Variants in CNOT9 observed in about 807,000 individuals in gnomAD.
The protein encoded by CNOT9 is RCD1 required for cell differentiation1 homolog.
Under a neutral mutation model 37.4 loss-of-function variants are expected in CNOT9, and 8 were observed. The ratio of observed to expected loss-of-function variants is 0.21; its 90% CI spans 0.13 to 0.39. The LOEUF is 0.39. CNOT9 is among the 10% of genes least tolerant of loss of function. CNOT9 has a pLI of 1.00. For missense variants in CNOT9, 154 were observed against 365.3 expected (o/e 0.42, Z 4.71); for synonymous variants, 120 against 137.6 (o/e 0.87, Z 0.90).
intron 1 of CNOT9, chr2:218,574,148 T>C (rs2106079605): frequency 3.2e-6 from 1 of 307,716 alleles, no homozygotes; most frequent in East Asian, 1.1e-4. Context: ...TTTTGTATTT[T>C]TAGTAGGGGC....
chr2:218,577,899 G>A (rs1694227329), intron 1 of CNOT9, among the ~76,000 whole-genome samples: 1 of 152,160 alleles, frequency 6.6e-6, no homozygotes, highest in Admixed American at 6.6e-5. Context: ...TGGATTGTGG[G>A]GTCATCCAAG....
intron 2 of CNOT9, among the ~76,000 whole-genome samples, chr2:218,581,887 A>C (rs1035288009): frequency 1.3e-5 from 2 of 151,798 alleles, no homozygotes; most frequent in Non-Finnish European, 2.9e-5. Flanking sequence ...TTTGAGACCA[A>C]CCTGGGCAAC....
intron 1 of CNOT9, among the ~76,000 whole-genome samples, chr2:218,576,070 TA>T (rs1208615110): frequency 5.3e-5 from 8 of 152,228 alleles, no homozygotes; most frequent in East Asian, 1.9e-4. Context: ...ACCATGTTTT[TA>T]AAAAAAGGTG....
At chr2:218,583,334 A>G (rs1694481430) in intron 3 of CNOT9, among the ~76,000 whole-genome samples, 1 of 151,384 alleles carries the variant, frequency 6.6e-6, no homozygotes, top group African/African-American at 2.4e-5. Context: ...AACTTTAAAG[A>G]AACAGTGTTC....
rs1435827347 is a variant in CNOT9 at position 218,594,300 on chromosome 2, C to T, written c.*24C>T. 6.3e-7 allele frequency: 1 copy of T among 1,585,562 alleles called. No individual in the cohort carries two copies. The highest frequency in any genetic ancestry group is 8.6e-7 in the Non-Finnish European group (1 of 1,164,822). ...GATCCTTCCCTGTTCCCTCCCACTACTCCCCCAAGTTGGGGAAAGGAGGGG... is the reference window on the plus strand; with the variant it reads ...GATCCTTCCCTGTTCCCTCCCACTATTCCCCCAAGTTGGGGAAAGGAGGGG... On this transcript the variant is annotated 3_prime_UTR_variant, in exon 8 of 8. Coordinates refer to ENST00000273064, the MANE Select transcript of CNOT9 (RefSeq NM_005444.3).
rs745783432 is a variant in CNOT9 at position 218,596,599 on chromosome 2, A to G, written c.*2323A>G. The G allele has an allele frequency of 6.6e-6, 1 of 152,096 alleles. No individual in the cohort carries two copies. Among genetic ancestry groups the G allele is most frequent in the Non-Finnish European group, 1.5e-5 (1 of 68,074 alleles). The allele number at this position is 152,096 out of a possible 1,614,324, so 9.4% of individuals were successfully genotyped here. A position where few individuals can be genotyped will look rare whatever the true frequency, so the allele number is the denominator to read the frequency against. ...TGGCAGTAGTGGTTCTTTTGTGAAC[A>G]TGTTTTTTGGGGAGACTCCATCTGA... On this transcript the variant is annotated 3_prime_UTR_variant, in exon 8 of 8. Transcript: ENST00000273064.
chr2:218,581,118 C>G (rs1574989624), intron 2 of CNOT9: 1 of 350,862 alleles, frequency 2.9e-6, no homozygotes, highest in South Asian at 2.0e-5. Flanking sequence ...CCACAAGGTA[C>G]AATATATTCT....
At chr2:218,594,037 G>A (rs1260218638) in intron 7 of CNOT9, 71 bp from the exon 8 acceptor site, 1 of 1,431,100 alleles carries the variant, frequency 7.0e-7, no homozygotes, top group Non-Finnish European at 9.8e-7. Context: ...TAAGAAGGGG[G>A]CTCTTCCCTG....
chr2:218,568,986 G>A lies in CNOT9; in HGVS notation c.24+8G>A, dbSNP rs532933156. ...AGCCTGGCGACGGCTGCGGTGAGTG[G>A]CTGGGCCCCCAGGCTTGGAACCAGA... is the stretch of plus-strand genomic sequence containing the variant. On this transcript the variant is annotated splice_region_variant and intron_variant, in intron 1 of 7. Transcript: ENST00000273064. The A allele has an allele frequency of 1.6e-5, 25 of 1,611,320 alleles. 1 individual carries two copies. In the South Asian group the frequency reaches 2.6e-4, roughly 17 times the overall value.
chr2:218,569,655 G>A (rs1176435489), intron 1 of CNOT9, among the ~76,000 whole-genome samples: 1 of 152,112 alleles, frequency 6.6e-6, no homozygotes, highest in African/African-American at 2.4e-5. Flanking sequence ...TTATAATCTC[G>A]TTTTATGTCT....
At chr2:218,589,146 A>G (rs1331704048) in intron 5 of CNOT9, 1 of 151,998 alleles carries the variant, frequency 6.6e-6, no homozygotes, top group Non-Finnish European at 1.5e-5. Context: ...TTAGTCTAAC[A>G]AATATTTTAT....
At position 218,580,544 on chromosome 2, in the gene CNOT9, C is replaced by G. The variant is rs1355343793; in HGVS notation, c.25-17C>G. The G allele has an allele frequency of 6.3e-7, 1 of 1,584,942 alleles. No homozygotes were observed. Among genetic ancestry groups the G allele is most frequent in the Non-Finnish European group, 8.6e-7 (1 of 1,165,596 alleles). ...ACTCTAATAAACTGATATTTACTTTCTTGTCTTCATCTGAAGCCTGTGCCT... is the reference window on the plus strand; with the variant it reads ...ACTCTAATAAACTGATATTTACTTTGTTGTCTTCATCTGAAGCCTGTGCCT... On this transcript the variant is annotated splice_polypyrimidine_tract_variant and intron_variant, in intron 1 of 7. Transcript: ENST00000273064.
intron 7 of CNOT9, among the ~76,000 whole-genome samples, chr2:218,593,369 T>G (rs969953321): frequency 6.6e-6 from 1 of 152,242 alleles, no homozygotes; most frequent in African/African-American, 2.4e-5. Flanking sequence ...TACCTGTTTG[T>G]TGACCATTTT....
Position 218,592,721 on chromosome 2 carries a change from G to A in CNOT9, c.731+14G>A, listed in dbSNP as rs1694820119. 46 of 1,595,886 alleles carry A rather than the reference G, an allele frequency of 2.9e-5. No homozygotes were observed. Among genetic ancestry groups the A allele is most frequent in the Non-Finnish European group, 4.0e-5 (46 of 1,163,278 alleles). On this transcript the variant is annotated intron_variant, in intron 7 of 7. Transcript: ENST00000273064. This position sits in a 1 kb window ranked among gnomAD's most constrained non-coding sequence, Gnocchi z 4.1. ...AGATAACCCCAGGTAAACATTTATA[G>A]GATGTATAGGACTTTAGGGAAATAC... is the stretch of plus-strand genomic sequence containing the variant.
At position 218,581,762 on chromosome 2, in the gene CNOT9, A is replaced by G. The variant is rs1048347527; in HGVS notation, c.204+1022A>G. On this transcript the variant is annotated intron_variant, in intron 2 of 7. Coordinates refer to ENST00000273064, the MANE Select transcript of CNOT9 (RefSeq NM_005444.3). Reference sequence around the variant, plus strand: ...ATCTTTGTTATGGGAACGTTTTTCTATGTAAAAGTTTTACAAATAATGTAA... The same window carrying G: ...ATCTTTGTTATGGGAACGTTTTTCTGTGTAAAAGTTTTACAAATAATGTAA... Among the ~76,000 whole-genome samples the G allele has an allele frequency of 6.6e-5, 10 of 152,304 alleles. No individual in the cohort carries two copies. The East Asian group carries it at 1.2e-3, about 18-fold the overall frequency.
At chr2:218,581,554 G>A (rs1694379343) in intron 2 of CNOT9, among the ~76,000 whole-genome samples, 1 of 152,166 alleles carries the variant, frequency 6.6e-6, no homozygotes. Flanking sequence ...CTGAAGTTCA[G>A]TTCAAACCAG....
chr2:218,587,468 A>G, intron 4 of CNOT9, 118 bp from the exon 5 acceptor site: 1 of 1,322,420 alleles, frequency 7.6e-7, no homozygotes, highest in African/African-American at 1.5e-5. Context: ...TTCCTTTAAC[A>G]AACCCCAGTT....
At chr2:218,569,791 TAC>T (rs1251784090) in intron 1 of CNOT9, among the ~76,000 whole-genome samples, 1 of 152,204 alleles carries the variant, frequency 6.6e-6, no homozygotes, top group Admixed American at 6.5e-5. Context: ...CTCCTTTACA[TAC>T]ACAGCATGAG....
chr2:218,588,486 A>G (rs1010625914), intron 5 of CNOT9, among the ~76,000 whole-genome samples: 1 of 146,920 alleles, frequency 6.8e-6, no homozygotes, highest in African/African-American at 2.5e-5. Context: ...ATGGGGTTTC[A>G]CTATATTAAC....
Sources: gnomAD v4.1 joint callset for allele counts (sites outside exome capture counted in the v4.1 genomes callset) on GRCh38, gnomAD v4.1.1 for gene constraint, Gnocchi (gnomAD v3.1) non-coding constraint, MANE v1.5 for transcripts, NCBI Gene and HGNC (gene_info 2026-07-23, HGNC 2026-07-21) for gene names.